DOP1B: variants seen among roughly 807,000 people sequenced by gnomAD.
DOP1B encodes the protein DOP1 leucine zipper like protein B, also known as protein DOP1B.
Under a neutral mutation model 233.5 loss-of-function variants are expected in DOP1B, and 174 were observed. The observed-to-expected ratio is 0.75, with a 90% CI of 0.66 to 0.85. The LOEUF (loss-of-function observed/expected upper bound fraction) is 0.85. Ranked by LOEUF, DOP1B falls within the 40% of genes least tolerant of loss-of-function variation. The pLI, the probability that DOP1B is intolerant of heterozygous loss-of-function variation, is 0.00. For missense variants in DOP1B, 2,652 were observed against 2,846.6 expected (o/e 0.93, Z 1.56); for synonymous variants, 1,190 against 1,185.6 (o/e 1.00, Z -0.08).
chr21:36,226,630 G>C (rs1356681739), intron 12 of DOP1B, among the ~76,000 whole-genome samples: 1 of 151,690 alleles, frequency 6.6e-6, no homozygotes, highest in Non-Finnish European at 1.5e-5. Flanking sequence ...GAGCCTCACT[G>C]TCACCCAGGC....
intron 2 of DOP1B, among the ~76,000 whole-genome samples, chr21:36,176,496 TG>T (rs546920064): frequency 1.1e-3 from 167 of 152,010 alleles, no homozygotes; most frequent in African/African-American, 3.9e-3. Flanking sequence ...CACCTAAATT[TG>T]GGGCTATGAT....
intron 4 of DOP1B, among the ~76,000 whole-genome samples, chr21:36,204,656 C>CTCTTTTT (rs1255662240): frequency 1.9e-5 from 1 of 53,814 alleles, no homozygotes; most frequent in Admixed American, 1.9e-4. Flanking sequence ...GCTGACATTT[C>CTCTTTTT]TATTTTTTTT....
At chr21:36,167,940 C>CTTT (rs869190433) in intron 2 of DOP1B, among the ~76,000 whole-genome samples, 7 of 39,990 alleles carry the variant, frequency 1.8e-4, no homozygotes, top group Admixed American at 3.5e-4. Flanking sequence ...TTTTCTTTTT[C>CTTT]TTTTTTTTTT....
intron 14 of DOP1B, among the ~76,000 whole-genome samples, chr21:36,231,498 G>C (rs753077492): frequency 1.2e-4 from 18 of 152,088 alleles, no homozygotes; most frequent in Non-Finnish European, 2.6e-4. Flanking sequence ...TTTGTAATTA[G>C]TACATTTTTG....
intron 15 of DOP1B, among the ~76,000 whole-genome samples, chr21:36,236,777 C>CTTTTTTTTTTTTTTTTTTTTT (rs35374710): frequency 3.4e-5 from 4 of 118,570 alleles, no homozygotes; most frequent in Non-Finnish European, 5.0e-5. Context: ...TTTTCTTTTT[C>CTTTTTTTTTTTTTTTTTTTTT]TTTTTTTTTT....
chr21:36,262,679 A>C (rs537539889), intron 24 of DOP1B, among the ~76,000 whole-genome samples: 2 of 151,512 alleles, frequency 1.3e-5, no homozygotes, highest in East Asian at 4.0e-4. Flanking sequence ...ACTTGAGGCC[A>C]GGAGTTCAAG....
intron 1 of DOP1B, among the ~76,000 whole-genome samples, chr21:36,159,538 C>T (rs1601366951): frequency 6.6e-6 from 1 of 152,298 alleles, no homozygotes; most frequent in South Asian, 2.1e-4. Context: ...ATACCACGTG[C>T]CCCATATTTC....
intron 32 of DOP1B, among the ~76,000 whole-genome samples, chr21:36,286,193 G>A (rs1367462398): frequency 1.3e-5 from 2 of 152,142 alleles, no homozygotes; most frequent in Non-Finnish European, 2.9e-5. Context: ...GGGCTGGGAA[G>A]ATGTAGGTGA....
chr21:36,215,413 G>C (rs1234769115), intron 9 of DOP1B, among the ~76,000 whole-genome samples: 1 of 152,016 alleles, frequency 6.6e-6, no homozygotes, highest in Non-Finnish European at 1.5e-5. Flanking sequence ...ATGAACGAAT[G>C]AATGAATGGC....
rs1338950889 is a variant in DOP1B at position 36,156,851 on chromosome 21, C to G, written c.-119C>G. On this transcript the variant is annotated 5_prime_UTR_variant, in exon 1 of 37. Transcript: ENST00000691173. ...CTTCCTCGGCGGTTCTGGCTCCCGG[C>G]CGCGCCGCAGCCCTGCCCAGTCTCT... The G allele has an allele frequency of 6.6e-6, 1 of 152,638 alleles. No homozygotes were observed. The highest frequency in any genetic ancestry group is 1.5e-5 in the Non-Finnish European group (1 of 68,226). 9.5% of individuals were successfully genotyped at this position (152,638 alleles called of 1,614,324 possible).
chr21:36,248,501 A>C lies in DOP1B; in HGVS notation c.4931A>C (p.Gln1644Pro). 1 of 1,614,208 alleles carries C rather than the reference A, an allele frequency of 6.2e-7. No homozygotes were observed. Among genetic ancestry groups the C allele is most frequent in the East Asian group, 2.2e-5 (1 of 44,890 alleles). ...AATGTTCTCAGAAAGGAGGAGACTC[A>C]AAAGAGACCTGTCGATCTCCTAGGG... ...LWNVLRKEET[Q>P]KRPVDLLGAT... is the part of the protein sequence containing the mutation. The change falls in exon 21 of 37, where the codon CAA (glutamine) becomes CCA (proline). Residue 1644 changes from glutamine to proline, a missense_variant. Coordinates refer to ENST00000691173, the MANE Select transcript of DOP1B (RefSeq NM_001320714.2).
At chr21:36,173,179 A>G (rs1281204932) in intron 2 of DOP1B, among the ~76,000 whole-genome samples, 7 of 152,154 alleles carry the variant, frequency 4.6e-5, no homozygotes, top group Non-Finnish European at 1.0e-4. Flanking sequence ...AAACAATGAT[A>G]TAGGACACAA....
At chr21:36,214,281 C>A in intron 8 of DOP1B, 91 bp downstream of exon 8, 2 of 1,284,920 alleles carry the variant, frequency 1.6e-6, no homozygotes, top group Non-Finnish European at 2.2e-6. Context: ...GCAGTGAGCA[C>A]GTTCCTTGGC....
intron 2 of DOP1B, among the ~76,000 whole-genome samples, chr21:36,194,556 G>A (rs1377241502): frequency 4.3e-5 from 6 of 139,964 alleles, no homozygotes; most frequent in East Asian, 4.3e-4. Context: ...GCACAATCTC[G>A]ACTCTCTCCA....
chr21:36,279,956 A>G (rs1056762804), intron 30 of DOP1B, among the ~76,000 whole-genome samples: 9 of 151,456 alleles, frequency 5.9e-5, no homozygotes, highest in Non-Finnish European at 1.5e-5. Flanking sequence ...GCTCACCACA[A>G]CCTCCACCTC....
At position 36,248,386 on chromosome 21, in the gene DOP1B, G is replaced by A. The variant is rs1569049883; in HGVS notation, c.4816G>A (p.Ala1606Thr). The A allele has an allele frequency of 6.2e-7, 1 of 1,613,132 alleles. No homozygotes were observed. The highest frequency in any genetic ancestry group is 8.5e-7 in the Non-Finnish European group (1 of 1,179,696). Reference sequence around the variant, plus strand: ...TATTCATTTTAATTTTTAGACCATGGCTGCAGGTGATCCTGCCAACTTGAG... The same window carrying A: ...TATTCATTTTAATTTTTAGACCATGACTGCAGGTGATCCTGCCAACTTGAG... The part of the protein sequence containing the change: ...EQANQNKKTM[A>T]AGDPANLRNA... The change falls in exon 21 of 37, where the codon GCT becomes ACT. Residue 1606 changes from alanine (A) to threonine (T), a missense_variant. By Grantham distance (58) the Ala-to-Thr change is moderately conservative. Transcript: ENST00000691173.
intron 23 of DOP1B, among the ~76,000 whole-genome samples, chr21:36,259,967 G>A (rs1282888459): frequency 2.0e-5 from 3 of 151,994 alleles, no homozygotes; most frequent in African/African-American, 7.3e-5. Context: ...CAGGGTTTTT[G>A]GGGAAGCTGT....
intron 7 of DOP1B, among the ~76,000 whole-genome samples, chr21:36,213,572 C>T (rs1361818365): frequency 6.6e-6 from 1 of 151,542 alleles, no homozygotes; most frequent in Admixed American, 6.6e-5. Context: ...AGGTGGATCA[C>T]CTGAGGTCAG....
intron 10 of DOP1B, among the ~76,000 whole-genome samples, chr21:36,221,661 C>T (rs2066624404): frequency 6.6e-6 from 1 of 151,958 alleles, no homozygotes; most frequent in African/African-American, 2.4e-5. Flanking sequence ...ACTGCAACTC[C>T]ACCTCCCAAG....
Sources: allele counts gnomAD v4.1 joint callset (sites outside exome capture counted in the v4.1 genomes callset), GRCh38; gene constraint gnomAD v4.1.1; transcripts MANE v1.5; gene names NCBI Gene and HGNC (gene_info 2026-07-23, HGNC 2026-07-21).